The following EPHA4 variants were observed in gnomAD, a reference collection of about 807,000 sequenced individuals.
EPHA4 encodes EPH receptor A4, also known as ephrin type-A receptor 4.
Under a neutral mutation model 108.3 loss-of-function variants are expected in EPHA4, and 19 were observed. The observed-to-expected ratio is 0.18, with a 90% CI of 0.12 to 0.26. The LOEUF (loss-of-function observed/expected upper bound fraction) is 0.26. Among genes scored for constraint, EPHA4 ranks in the 10% least tolerant of loss-of-function variants. The probability of loss-of-function intolerance (pLI) is 1.00; values close to 1 mark genes in which losing one functional copy is unlikely to be tolerated. For missense variants in EPHA4, 917 were observed against 1,254.0 expected (o/e 0.73, Z 4.06); for synonymous variants, 449 against 455.5 (o/e 0.99, Z 0.18).
intron 8 of EPHA4, among the ~76,000 whole-genome samples, chr2:221,450,676 C>T (rs575357429): frequency 6.6e-6 from 1 of 152,226 alleles, no homozygotes; most frequent in Admixed American, 6.5e-5. Context: ...GCCATAACCA[C>T]TTCATTTTTT....
upstream of EPHA4, chr2:221,573,158 C>G (rs1000053768): frequency 6.6e-6 from 1 of 152,606 alleles, no homozygotes; most frequent in African/African-American, 2.4e-5. The surrounding 1 kb of genome is among the most constrained non-coding windows in gnomAD (Gnocchi z 4.5). Context: ...GGGCCTAGCC[C>G]GTCTGGGAGC....
intron 14 of EPHA4, among the ~76,000 whole-genome samples, chr2:221,430,523 T>C (rs1478030418): frequency 6.8e-6 from 1 of 146,744 alleles, no homozygotes; most frequent in East Asian, 2.1e-4. Flanking sequence ...ACCTAAACAC[T>C]CTTCGCAAAA....
chr2:221,478,682 G>A (rs553799950), intron 5 of EPHA4, among the ~76,000 whole-genome samples: 41 of 152,198 alleles, frequency 2.7e-4, no homozygotes, highest in Non-Finnish European at 4.7e-4. Flanking sequence ...GAGAATTTGG[G>A]AAAAGTACTC....
At chr2:221,556,719 C>A (rs113035662) in intron 3 of EPHA4, among the ~76,000 whole-genome samples, 1 of 151,902 alleles carries the variant, frequency 6.6e-6, no homozygotes, top group African/African-American at 2.4e-5. Flanking sequence ...ACCGAAGGTA[C>A]AGTACAGTAA....
At chr2:221,453,516 A>T (rs1690847656) in intron 8 of EPHA4, among the ~76,000 whole-genome samples, 1 of 152,218 alleles carries the variant, frequency 6.6e-6, no homozygotes, top group Non-Finnish European at 1.5e-5. Flanking sequence ...TGGCTTTCAA[A>T]ATCAAATACC....
At chr2:221,556,629 G>A (rs910177194) in intron 3 of EPHA4, among the ~76,000 whole-genome samples, 1 of 151,586 alleles carries the variant, frequency 6.6e-6, no homozygotes, top group Non-Finnish European at 1.5e-5. Flanking sequence ...ATTCTTGAAT[G>A]TCTGGCTTAA....
chr2:221,557,391 A>G (rs934520333), intron 3 of EPHA4, among the ~76,000 whole-genome samples: 1 of 149,946 alleles, frequency 6.7e-6, no homozygotes, highest in African/African-American at 2.4e-5. Context: ...TCTAACAACA[A>G]TAAAAATAAG....
At chr2:221,454,835 T>A (rs1447012459) in intron 8 of EPHA4, among the ~76,000 whole-genome samples, 2 of 152,228 alleles carry the variant, frequency 1.3e-5, no homozygotes, top group South Asian at 4.1e-4. Context: ...AGTCAGATTG[T>A]AAGTACTTAG....
Position 221,457,930 on chromosome 2 carries a change from G to A in EPHA4, c.1379C>T (p.Ala460Val), listed in dbSNP as rs1192322375. 3 of 1,613,904 alleles carry A rather than the reference G, an allele frequency of 1.9e-6. No homozygotes were observed. Among genetic ancestry groups the A allele is most frequent in the Admixed American group, 1.7e-5 (1 of 60,018 alleles). The change falls in exon 6 of 18, where the codon GCT (alanine) becomes GTT (valine). Residue 460 changes from alanine (A) to valine (V), a missense_variant. Transcript: ENST00000281821. Reference protein sequence around the residue: ...KEVTRYSVALAWLEPDRPNGV... With the variant: ...KEVTRYSVALVWLEPDRPNGV... ...ATTGGGCCGATCTGGTTCCAGCCAA[G>A]CCAGTGCCACACTGTATCTTGTGAC...
intron 5 of EPHA4, 78 bp from the exon 6 acceptor site, chr2:221,458,068 C>T (rs1055795587): frequency 2.6e-6 from 4 of 1,538,032 alleles, no homozygotes; most frequent in Admixed American, 1.9e-5. Context: ...GAAATAATTT[C>T]ATCTTATTTA....
At chr2:221,520,128 C>T (rs1693115980) in intron 3 of EPHA4, among the ~76,000 whole-genome samples, 1 of 151,896 alleles carries the variant, frequency 6.6e-6, no homozygotes, top group Admixed American at 6.6e-5. Context: ...CTCAATGATC[C>T]CCACTGTATA....
chr2:221,543,430 C>G (rs916316490), intron 3 of EPHA4, among the ~76,000 whole-genome samples: 1 of 152,132 alleles, frequency 6.6e-6, no homozygotes, highest in Non-Finnish European at 1.5e-5. Context: ...AAGTGTGGCT[C>G]TCATTATGTG....
chr2:221,437,061 C>A lies in EPHA4; in HGVS notation c.2136G>T (p.Arg712Ser). 6.2e-7 allele frequency: 1 copy of A among 1,607,192 alleles called. No individual in the cohort carries two copies. Among genetic ancestry groups the A allele is most frequent in the Non-Finnish European group, 8.5e-7 (1 of 1,174,498 alleles). Reference protein sequence around the residue: ...MENGSLDAFLRKNDGRFTVIQ... With the variant: ...MENGSLDAFLSKNDGRFTVIQ... ...GGTTTAATATAAAGTAGTCACATAC[C>A]CTGAGGAATGCATCCAAGGAGCCAT... Residue 712 changes from arginine to serine, a missense_variant and splice_region_variant, in exon 12 of 18, where the codon AGG becomes AGT. Arg to Ser is a moderately radical substitution (Grantham distance 110, BLOSUM62 -1). Around this residue, in one of 3 missense-constraint regions of EPHA4, gnomAD observed 758 missense variants for 1,076.7 expected, o/e 0.70. Transcript: ENST00000281821.
In EPHA4 at chr2:221,474,199, A is replaced by AT. The variant is rs891495813; in HGVS notation, c.1318+8152dup. 4.6e-5 allele frequency among the ~76,000 whole-genome samples: 7 copies of AT among 151,336 alleles called. No individual in the cohort carries two copies. In the South Asian group the frequency reaches 8.4e-4, roughly 18 times the overall value. ...TAGTAGGCTCTTTTGGCAGGCTTTT[A>AT]TTTTTTTTTCTCCTCACCAGGACTT... On this transcript the variant is annotated intron_variant, in intron 5 of 17. Transcript: ENST00000281821.
chr2:221,520,543 CAGAGAG>C (rs1196546096), intron 3 of EPHA4, among the ~76,000 whole-genome samples: 2,200 of 26,994 alleles, frequency 0.081, 63 homozygotes, highest in Admixed American at 0.24. Context: ...CACACACACA[CAGAGAG>C]AGAGAGAGAG....
intron 5 of EPHA4, among the ~76,000 whole-genome samples, chr2:221,467,633 G>A (rs1001052418): frequency 4.6e-5 from 7 of 152,170 alleles, no homozygotes; most frequent in Non-Finnish European, 1.0e-4. Context: ...TACAGTCATA[G>A]GATCGGTTAT....
At chr2:221,508,633 GA>G (rs1425731313) in intron 3 of EPHA4, among the ~76,000 whole-genome samples, 1 of 151,110 alleles carries the variant, frequency 6.6e-6, no homozygotes, top group Non-Finnish European at 1.5e-5. Flanking sequence ...TGACATGTTT[GA>G]AATATAAAAT....
chr2:221,573,894 G>C (rs1188775281), upstream of EPHA4: 1 of 152,266 alleles, frequency 6.6e-6, no homozygotes, highest in African/African-American at 2.4e-5. The surrounding 1 kb of genome is among the most constrained non-coding windows in gnomAD (Gnocchi z 4.5). Context: ...AGTCTGTCGT[G>C]ACTCTCGCCT....
intron 5 of EPHA4, among the ~76,000 whole-genome samples, chr2:221,466,336 C>G (rs938314404): frequency 4.6e-5 from 7 of 152,172 alleles, no homozygotes; most frequent in African/African-American, 1.4e-4. Flanking sequence ...AACTGAGGCC[C>G]TGTGAATTGC....
Sources: allele counts gnomAD v4.1 joint callset (sites outside exome capture counted in the v4.1 genomes callset), GRCh38; gene constraint gnomAD v4.1.1; regional missense constraint gnomAD v4.1.1; non-coding constraint Gnocchi (gnomAD v3.1); transcripts MANE v1.5; gene names NCBI Gene and HGNC (gene_info 2026-07-23, HGNC 2026-07-21).